MYRF: variants seen among roughly 807,000 people sequenced by gnomAD.
The protein encoded by MYRF is myelin regulatory factor, also known as myelin gene regulatory factor.
A neutral mutation model predicts 126.3 loss-of-function variants in MYRF; 16 were observed. The observed-to-expected ratio is 0.13, with a 90% CI of 0.09 to 0.19. MYRF has a LOEUF of 0.19. Among genes scored for constraint, MYRF ranks in the 10% least tolerant of loss-of-function variants. The pLI is 1.00. For synonymous variants in MYRF, 608 were observed against 635.3 expected (o/e 0.96, Z 0.65); for missense variants, 1,104 against 1,547.0 (o/e 0.71, Z 4.80).
At position 61,780,239 on chromosome 11, in the gene MYRF, C is replaced by T. The variant is rs116727832; in HGVS notation, c.2354C>T (p.Thr785Ile). 5.6e-5 allele frequency: 90 copies of T among 1,614,114 alleles called. No individual in the cohort carries two copies. In the African/African-American group the frequency reaches 1.1e-3, roughly 19 times the overall value. The change falls in exon 18 of 27, where the codon ACA (threonine) becomes ATA (isoleucine). Residue 785 changes from threonine to isoleucine, a missense_variant. Physicochemically the swap from Thr to Ile is moderately conservative, Grantham distance 89 (BLOSUM62 -1). Transcript: ENST00000278836. The part of the protein sequence containing the change: ...VMAFSVVSMS[T>I]LYVLSLRTEE... ...GGCTCCAGCGTGGTGTCCATGTCCACACTGTACGTGCTGAGCCTGCGCACA... is the reference window on the plus strand; with the variant it reads ...GGCTCCAGCGTGGTGTCCATGTCCATACTGTACGTGCTGAGCCTGCGCACA...
In MYRF at chr11:61,778,508, G is replaced by GGGA; in HGVS notation, c.2013+22_2013+24dup. On this transcript the variant is annotated intron_variant, in intron 14 of 26. Coordinates refer to ENST00000278836, the MANE Select transcript of MYRF (RefSeq NM_001127392.3). The surrounding 1 kb of genome is among the most constrained non-coding windows in gnomAD (Gnocchi z 4.6). ...GAACAAGGTCTGTGGGTGGGGGAAT[G>GGGA]GGAGGGAGCCCAGAGGCAAGTGGGG... 6.3e-7 allele frequency: 1 copy of GGGA among 1,578,402 alleles called. No individual in the cohort carries two copies. The highest frequency in any genetic ancestry group is 2.2e-5 in the East Asian group (1 of 44,696).
Position 61,769,278 on chromosome 11 carries a change from C to G in MYRF, c.417C>G (p.Pro139=). ...CTCGCAGCACACTGCCGGACTCTCC[C>G]CCAGACTCGGGCTCCGAGGCCTACT... ...PYAPGTLPDS[P]PDSGSEAYSP... is the part of the protein sequence containing the mutation. The change falls in exon 4 of 27, where the codon CCC becomes CCG. Residue 139 remains proline (P), a synonymous_variant. Transcript: ENST00000278836. The G allele has an allele frequency of 6.2e-7, 1 of 1,607,898 alleles. No homozygotes were observed. Among genetic ancestry groups the G allele is most frequent in the Non-Finnish European group, 8.5e-7 (1 of 1,177,758 alleles).
intron 4 of MYRF, 77 bp downstream of exon 4, chr11:61,769,398 G>T: frequency 8.8e-7 from 1 of 1,137,480 alleles, no homozygotes; most frequent in Non-Finnish European, 1.3e-6. Context: ...GGAGGTAGGG[G>T]AGGAGGGAGG....
intron 5 of MYRF, 24 bp from the exon 6 acceptor site, chr11:61,771,476 C>T (rs777452422): frequency 1.4e-5 from 23 of 1,598,682 alleles, no homozygotes; most frequent in South Asian, 1.3e-4. Context: ...CCAGCCCCCA[C>T]GGCGCACACT....
In MYRF at chr11:61,781,191, A is replaced by T; in HGVS notation, c.2626A>T (p.Met876Leu). Residue 876 changes from methionine (M) to leucine (L), a missense_variant, in exon 21 of 27, where the codon ATG (methionine) becomes TTG (leucine). By Grantham distance (15) the Met-to-Leu change is conservative. Coordinates refer to ENST00000278836, the MANE Select transcript of MYRF (RefSeq NM_001127392.3). Reference sequence around the variant, plus strand: ...AGGTTCTGCTGTCCGCACCTTGGACATGTGTTCCAGCCACCCCTGCCCTGT... The same window carrying T: ...AGGTTCTGCTGTCCGCACCTTGGACTTGTGTTCCAGCCACCCCTGCCCTGT... ...APGSAVRTLD[M>L]CSSHPCPVIC... is the part of the protein sequence containing the mutation. The T allele has an allele frequency of 1.2e-6, 2 of 1,614,006 alleles. No individual in the cohort carries two copies. The highest frequency in any genetic ancestry group is 1.7e-6 in the Non-Finnish European group (2 of 1,180,024).
Position 61,769,256 on chromosome 11 carries a change from G to C in MYRF, c.399-4G>C, listed in dbSNP as rs376809163. On this transcript the variant is annotated splice_region_variant and splice_polypyrimidine_tract_variant and intron_variant, in intron 3 of 26. Coordinates refer to ENST00000278836, the MANE Select transcript of MYRF (RefSeq NM_001127392.3). ...CCCCCGGCCCCTTCCCCTGGCTCTC[G>C]CAGCACACTGCCGGACTCTCCCCCA... is the stretch of plus-strand genomic sequence containing the variant. 2 of 1,595,470 alleles carry C rather than the reference G, an allele frequency of 1.3e-6. No individual in the cohort carries two copies. Among genetic ancestry groups the C allele is most frequent in the Admixed American group, 1.7e-5 (1 of 58,102 alleles).
In MYRF at chr11:61,786,266, C is replaced by A; in HGVS notation, c.*123C>A. On this transcript the variant is annotated 3_prime_UTR_variant, in exon 27 of 27. Transcript: ENST00000278836. The surrounding 1 kb of genome is among the most constrained non-coding windows in gnomAD (Gnocchi z 4.5). Reference sequence around the variant, plus strand: ...CAGCTCTGCTGTTCACTGGCCCTACCCGAGACTGGTGAAACTGGAAGTCTT... The same window carrying A: ...CAGCTCTGCTGTTCACTGGCCCTACACGAGACTGGTGAAACTGGAAGTCTT... 1 of 906,098 alleles carries A rather than the reference C, an allele frequency of 1.1e-6. No individual in the cohort carries two copies. The allele number at this position is 906,098 out of a possible 1,614,324, so 56.1% of individuals were successfully genotyped here. A position where few individuals can be genotyped will look rare whatever the true frequency, so the allele number is the denominator to read the frequency against.
At chr11:61,780,680 G>T (rs1386344143) in intron 18 of MYRF, 32 bp from the exon 19 acceptor site, 1 of 1,544,324 alleles carries the variant, frequency 6.5e-7, no homozygotes, top group East Asian at 2.4e-5. Context: ...CCCTTTGCCT[G>T]TCTCACCCTT....
intron 1 of MYRF, among the ~76,000 whole-genome samples, chr11:61,764,907 T>C (rs1275572727): frequency 6.6e-6 from 1 of 152,220 alleles, no homozygotes; most frequent in Non-Finnish European, 1.5e-5. Context: ...CTTCCTTCTC[T>C]AGGCTTCTGC....
chr11:61,774,141 T>C lies in MYRF; in HGVS notation c.1290T>C (p.Tyr430=). 2 of 1,611,294 alleles carry C rather than the reference T, an allele frequency of 1.2e-6. No individual in the cohort carries two copies. Among genetic ancestry groups the C allele is most frequent in the South Asian group, 1.1e-5 (1 of 90,984 alleles). The change falls in exon 8 of 27, where the codon TAT becomes TAC. Residue 430 remains tyrosine (Y), a synonymous_variant. Transcript: ENST00000278836. Reference sequence around the variant, plus strand: ...GCCTCAAGCCCCTCGACTGCTTCTATCTGAAGCTGCACGGAGTGAAGGCAA... The same window carrying C: ...GCCTCAAGCCCCTCGACTGCTTCTACCTGAAGCTGCACGGAGTGAAGGCAA... ...PEGLKPLDCF[Y]LKLHGVKLEA...
Position 61,776,620 on chromosome 11 carries a change from A to T in MYRF, c.1500-167A>T, listed in dbSNP as rs2066391361. Among the ~76,000 whole-genome samples the T allele has an allele frequency of 6.6e-6, 1 of 152,082 alleles. No homozygotes were observed. The highest frequency in any genetic ancestry group is 1.5e-5 in the Non-Finnish European group (1 of 68,014). On this transcript the variant is annotated intron_variant, in intron 10 of 26. Transcript: ENST00000278836. The surrounding 1 kb of genome is among the most constrained non-coding windows in gnomAD (Gnocchi z 4.3). ...AAGCCTGGCTTCTGGGTTGAGAAACAGCCCTGGCTTCTTGCTGTGGGCCCT... is the reference window on the plus strand; with the variant it reads ...AAGCCTGGCTTCTGGGTTGAGAAACTGCCCTGGCTTCTTGCTGTGGGCCCT...
chr11:61,771,571 T>G lies in MYRF; in HGVS notation c.812T>G (p.Leu271Arg). ...CCCAGCACCCTCAATGCCCAGATGC[T>G]GAATGGAATGATCAAACAGGAGCCT... ...SPPSTLNAQM[L>R]NGMIKQEPGT... Residue 271 changes from leucine to arginine, a missense_variant, in exon 6 of 27, where the codon CTG becomes CGG. Around this residue, in one of 10 missense-constraint regions of MYRF, gnomAD observed 368 missense variants for 403.9 expected, o/e 0.91. Coordinates refer to ENST00000278836, the MANE Select transcript of MYRF (RefSeq NM_001127392.3). 6.2e-7 allele frequency: 1 copy of G among 1,613,808 alleles called. No homozygotes were observed. Among genetic ancestry groups the G allele is most frequent in the Non-Finnish European group, 8.5e-7 (1 of 1,179,920 alleles).
chr11:61,765,250 A>G (rs1417731651), intron 1 of MYRF, among the ~76,000 whole-genome samples: 1 of 152,222 alleles, frequency 6.6e-6, no homozygotes, highest in African/African-American at 2.4e-5. Flanking sequence ...TTTGTGCCTC[A>G]CAGCACCCCA....
chr11:61,754,699 G>T (rs952983242), intron 1 of MYRF, among the ~76,000 whole-genome samples: 1 of 152,284 alleles, frequency 6.6e-6, no homozygotes, highest in African/African-American at 2.4e-5. Context: ...CTGGCGGGGG[G>T]AGGCTGCGCT....
chr11:61,769,345 C>T (rs2066145047), intron 4 of MYRF, 24 bp downstream of exon 4: 1 of 1,596,808 alleles, frequency 6.3e-7, no homozygotes, highest in African/African-American at 1.3e-5. Context: ...GCACCGCCCT[C>T]CTGCTCCAGG....
rs2135812914 is a variant in MYRF at position 61,774,139 on chromosome 11, T to C, written c.1288T>C (p.Tyr430His). 2 of 1,611,294 alleles carry C rather than the reference T, an allele frequency of 1.2e-6. No individual in the cohort carries two copies. The highest frequency in any genetic ancestry group is 1.1e-5 in the South Asian group (1 of 90,974). Reference sequence around the variant, plus strand: ...GGGCCTCAAGCCCCTCGACTGCTTCTATCTGAAGCTGCACGGAGTGAAGGC... The same window carrying C: ...GGGCCTCAAGCCCCTCGACTGCTTCCATCTGAAGCTGCACGGAGTGAAGGC... ...PEGLKPLDCFYLKLHGVKLEA... is the reference protein window; with the variant it reads ...PEGLKPLDCFHLKLHGVKLEA... Residue 430 changes from tyrosine (Y) to histidine (H), a missense_variant, in exon 8 of 27, where the codon TAT becomes CAT. Physicochemically the swap from Tyr to His is moderately conservative, Grantham distance 83 (BLOSUM62 2). Coordinates refer to ENST00000278836, the MANE Select transcript of MYRF (RefSeq NM_001127392.3).
intron 22 of MYRF, chr11:61,782,485 C>G (rs2066578138): frequency 6.6e-6 from 1 of 152,272 alleles, no homozygotes; most frequent in South Asian, 2.1e-4. Context: ...TTGCCAGGCA[C>G]CTGTTTACTG....
At chr11:61,754,213 G>A (rs1426417462) in intron 1 of MYRF, 1 of 152,424 alleles carries the variant, frequency 6.6e-6, no homozygotes, top group African/African-American at 2.4e-5. Flanking sequence ...CCTGCTGGCT[G>A]AGCAGCCCAG....
chr11:61,784,527 G>T (rs567636747), intron 25 of MYRF, 142 bp downstream of exon 25: 22 of 674,478 alleles, frequency 3.3e-5, no homozygotes, highest in African/African-American at 2.5e-4. Flanking sequence ...TGGGGCCTGG[G>T]CCTCTGTGTC....
Sources: allele counts gnomAD v4.1 joint callset (sites outside exome capture counted in the v4.1 genomes callset), GRCh38; gene constraint gnomAD v4.1.1; regional missense constraint gnomAD v4.1.1; non-coding constraint Gnocchi (gnomAD v3.1); transcripts MANE v1.5; gene names NCBI Gene and HGNC (gene_info 2026-07-23, HGNC 2026-07-21).